The following PTPRN2 variants were observed in gnomAD, a reference collection of about 807,000 sequenced individuals.
PTPRN2 encodes the protein protein tyrosine phosphatase receptor type N2.
PTPRN2 carries 74 observed loss-of-function variants against 118.8 expected under a neutral mutation model. The ratio of observed to expected loss-of-function variants is 0.62; its 90% CI spans 0.52 to 0.76. PTPRN2 has a LOEUF of 0.76. PTPRN2 is among the 30% of genes least tolerant of loss of function. The pLI is 0.00. For synonymous variants in PTPRN2, 641 were observed against 608.0 expected (o/e 1.05, Z -0.80); for missense variants, 1,481 against 1,394.4 (o/e 1.06, Z -0.99).
chr7:157,979,901 C>T (rs532715045), intron 11 of PTPRN2, among the ~76,000 whole-genome samples: 4 of 152,258 alleles, frequency 2.6e-5, no homozygotes, highest in South Asian at 2.1e-4. Context: ...CCAGAGCCCC[C>T]GACTGGGCAG....
At chr7:158,157,339 A>G (rs1349832143) in intron 6 of PTPRN2, among the ~76,000 whole-genome samples, 1 of 152,242 alleles carries the variant, frequency 6.6e-6, no homozygotes, top group Non-Finnish European at 1.5e-5. Context: ...CAAAGTAAAA[A>G]TCTTTCCAGC....
At chr7:158,463,661 C>G (rs1274230358) in intron 2 of PTPRN2, among the ~76,000 whole-genome samples, 1 of 152,016 alleles carries the variant, frequency 6.6e-6, no homozygotes, top group African/African-American at 2.4e-5. Flanking sequence ...TCATCGTCAT[C>G]ACCATATCAT....
At chr7:158,218,718 C>T (rs1215418556) in intron 3 of PTPRN2, among the ~76,000 whole-genome samples, 1 of 152,082 alleles carries the variant, frequency 6.6e-6, no homozygotes, top group Non-Finnish European at 1.5e-5. Flanking sequence ...CACTTTGGCT[C>T]AAAGTAAAGG....
At chr7:158,467,241 C>T (rs1287107953) in intron 2 of PTPRN2, among the ~76,000 whole-genome samples, 1 of 148,942 alleles carries the variant, frequency 6.7e-6, no homozygotes, top group Non-Finnish European at 1.5e-5. Context: ...GGTTCTTTGC[C>T]CTTTTTAAAA....
At chr7:157,817,914 T>A (rs2151132358) in intron 12 of PTPRN2, among the ~76,000 whole-genome samples, 1 of 152,076 alleles carries the variant, frequency 6.6e-6, no homozygotes, top group East Asian at 1.9e-4. Context: ...TGTGTATGTA[T>A]CATGTGTGAT....
At chr7:158,218,971 A>G (rs185026552) in intron 3 of PTPRN2, among the ~76,000 whole-genome samples, 269 of 152,258 alleles carry the variant, frequency 1.8e-3, no homozygotes, top group Non-Finnish European at 3.1e-3. Context: ...CATAAACACA[A>G]TAATAGGGGG....
chr7:158,355,293 C>A (rs1586435986), intron 2 of PTPRN2, among the ~76,000 whole-genome samples: 1 of 152,182 alleles, frequency 6.6e-6, no homozygotes, highest in Non-Finnish European at 1.5e-5. Context: ...CTTCTCTGTG[C>A]TTCCATTTCC....
At chr7:158,206,506 TG>T in intron 3 of PTPRN2, among the ~76,000 whole-genome samples, 1 of 152,098 alleles carries the variant, frequency 6.6e-6, no homozygotes, top group African/African-American at 2.4e-5. Flanking sequence ...ACAGTCCTAG[TG>T]GTGGGGTGGC....
intron 2 of PTPRN2, among the ~76,000 whole-genome samples, chr7:158,452,332 T>C (rs1346917145): frequency 6.6e-6 from 1 of 152,268 alleles, no homozygotes; most frequent in African/African-American, 2.4e-5. Context: ...ATAGGTTTAT[T>C]CAGAGAGAAT....
intron 12 of PTPRN2, among the ~76,000 whole-genome samples, chr7:157,714,428 C>A (rs1000612139): frequency 2.0e-5 from 3 of 152,172 alleles, no homozygotes; most frequent in Non-Finnish European, 4.4e-5. Context: ...GGCAGCTCTG[C>A]TTGGCAGAAT....
intron 11 of PTPRN2, among the ~76,000 whole-genome samples, chr7:158,007,825 ATGTGGGGG>A (rs1805742294): frequency 7.9e-6 from 1 of 127,016 alleles, no homozygotes; most frequent in Admixed American, 8.4e-5. Context: ...GGGTATATAC[ATGTGGGGG>A]TGTGTGGGTG....
At position 157,787,251 on chromosome 7, in the gene PTPRN2, C is replaced by T. The variant is rs1474940671; in HGVS notation, c.1789-104314G>A. ...ACTTGGATGCCACTTATGACCCCCG[C>T]GTGCCAGTGGATGCCCACAACCCCT... On this transcript the variant is annotated intron_variant, in intron 12 of 22. Coordinates refer to ENST00000389418, the MANE Select transcript of PTPRN2 (RefSeq NM_002847.5). This position sits in a 1 kb window ranked among gnomAD's most constrained non-coding sequence, Gnocchi z 5.3. Among the ~76,000 whole-genome samples, 1 of 152,136 alleles carries T rather than the reference C, an allele frequency of 6.6e-6. No individual in the cohort carries two copies. The highest frequency in any genetic ancestry group is 2.4e-5 in the African/African-American group (1 of 41,458).
intron 11 of PTPRN2, among the ~76,000 whole-genome samples, chr7:158,040,863 G>C (rs1191196147): frequency 6.6e-6 from 1 of 151,802 alleles, no homozygotes; most frequent in African/African-American, 2.4e-5. Flanking sequence ...CTCCCGAGTA[G>C]CTGGGATTAC....
intron 11 of PTPRN2, among the ~76,000 whole-genome samples, chr7:158,024,726 GCCAAGGCCAGC>G (rs1395840226): frequency 2.0e-5 from 3 of 150,566 alleles, no homozygotes; most frequent in Admixed American, 6.6e-5. Flanking sequence ...CAGGAAGGGG[GCCAAGGCCAGC>G]TTGGCAGGAG....
intron 2 of PTPRN2, among the ~76,000 whole-genome samples, chr7:158,387,600 G>A (rs1360102740): frequency 1.3e-5 from 2 of 152,220 alleles, no homozygotes; most frequent in Admixed American, 6.5e-5. Flanking sequence ...CAGGCCCGGG[G>A]ATGCAGCTGA....
chr7:157,858,111 CTCCCAGCCACCACCCACA>C (rs1563179033), intron 12 of PTPRN2, among the ~76,000 whole-genome samples: 1 of 89,874 alleles, frequency 1.1e-5, no homozygotes, highest in Non-Finnish European at 2.3e-5. Context: ...CAGGGAGAGC[CTCCCAGCCACCACCCACA>C]CTCCTGCAGG....
At chr7:158,061,786 G>A (rs1810369398) in intron 11 of PTPRN2, among the ~76,000 whole-genome samples, 1 of 152,240 alleles carries the variant, frequency 6.6e-6, no homozygotes, top group Non-Finnish European at 1.5e-5. Flanking sequence ...AAAGCATCAA[G>A]ATGAAACATC....
At chr7:158,214,033 C>T (rs908265645) in intron 3 of PTPRN2, among the ~76,000 whole-genome samples, 1 of 152,050 alleles carries the variant, frequency 6.6e-6, no homozygotes, top group Non-Finnish European at 1.5e-5. Context: ...CCCTGTATAC[C>T]TTAGCCCAGC....
chr7:157,846,514 G>A (rs1396911787), intron 12 of PTPRN2, among the ~76,000 whole-genome samples: 6 of 151,830 alleles, frequency 4.0e-5, no homozygotes, highest in Admixed American at 6.6e-5. Context: ...TTTTGGGGCC[G>A]GAACGGAGGG....
Sources: allele counts gnomAD v4.1 joint callset (sites outside exome capture counted in the v4.1 genomes callset), GRCh38; gene constraint gnomAD v4.1.1; non-coding constraint Gnocchi (gnomAD v3.1); transcripts MANE v1.5; gene names NCBI Gene and HGNC (gene_info 2026-07-23, HGNC 2026-07-21).